UGT8: variants seen among roughly 807,000 people sequenced by gnomAD.
UGT8 encodes UDP glycosyltransferase 8.
In UGT8, 12 loss-of-function variants were observed where a neutral mutation model predicts 40.5. The observed-to-expected ratio is 0.30, with a 90% CI of 0.19 to 0.48. The LOEUF is 0.48. UGT8 is among the 20% of genes least tolerant of loss of function. The probability of loss-of-function intolerance (pLI) is 0.99; values close to 1 mark genes in which losing one functional copy is unlikely to be tolerated. For synonymous variants in UGT8, 224 were observed against 240.4 expected (o/e 0.93, Z 0.63); for missense variants, 513 against 648.7 (o/e 0.79, Z 2.27).
intron 1 of UGT8, among the ~76,000 whole-genome samples, chr4:114,622,209 G>T (rs1397187188): frequency 6.7e-6 from 1 of 150,098 alleles, no homozygotes; most frequent in Non-Finnish European, 1.5e-5. Flanking sequence ...GCGGTGTTTG[G>T]TTTTTTGTTC....
At chr4:114,650,603 A>C (rs990250285) in intron 2 of UGT8, among the ~76,000 whole-genome samples, 1 of 152,164 alleles carries the variant, frequency 6.6e-6, no homozygotes, top group East Asian at 1.9e-4. Flanking sequence ...GTCCAATATC[A>C]TGACTACGAT....
intron 2 of UGT8, among the ~76,000 whole-genome samples, chr4:114,635,983 A>G (rs1344284617): frequency 6.6e-6 from 1 of 152,214 alleles, no homozygotes; most frequent in Non-Finnish European, 1.5e-5. Flanking sequence ...TTTTCAGAAC[A>G]TATGGGATTC....
At chr4:114,660,921 A>G (rs1172425655) in intron 2 of UGT8, among the ~76,000 whole-genome samples, 1 of 151,954 alleles carries the variant, frequency 6.6e-6, no homozygotes, top group Non-Finnish European at 1.5e-5. Flanking sequence ...TTATAATTCA[A>G]TTTAACTTTT....
At chr4:114,671,519 C>T (rs1735276745) in intron 5 of UGT8, among the ~76,000 whole-genome samples, 1 of 152,146 alleles carries the variant, frequency 6.6e-6, no homozygotes, top group Non-Finnish European at 1.5e-5. Flanking sequence ...AGAAATTACA[C>T]CACACATCTA....
chr4:114,600,074 G>A (rs1440383771), intron 1 of UGT8, among the ~76,000 whole-genome samples: 15 of 152,136 alleles, frequency 9.9e-5, no homozygotes. Context: ...AGAGAGTTCT[G>A]AGAACTAACG....
rs1312231071 is a variant in UGT8 at position 114,677,354 on chromosome 4, C to CT, written c.*1070dup. 4.6e-5 allele frequency: 7 copies of CT among 152,106 alleles called. No individual in the cohort carries two copies. Among genetic ancestry groups the CT allele is most frequent in the Non-Finnish European group, 1.0e-4 (7 of 68,018 alleles). 9.4% of individuals were successfully genotyped at this position (152,106 alleles called of 1,614,324 possible). On this transcript the variant is annotated 3_prime_UTR_variant, in exon 6 of 6. Coordinates refer to ENST00000310836, the MANE Select transcript of UGT8 (RefSeq NM_001128174.3). ...ATTACATAGGTGCCAACATTTAATT[C>CT]TTTTAAATGGAACATTTGCAGTTTT...
At chr4:114,640,276 C>T (rs964101727) in intron 2 of UGT8, among the ~76,000 whole-genome samples, 38 of 151,520 alleles carry the variant, frequency 2.5e-4, no homozygotes, top group Non-Finnish European at 3.8e-4. Context: ...GTGATCCGCC[C>T]GCCTCGGCCT....
intron 1 of UGT8, among the ~76,000 whole-genome samples, chr4:114,603,410 T>G (rs1224072277): frequency 6.6e-6 from 1 of 152,014 alleles, no homozygotes; most frequent in Non-Finnish European, 1.5e-5. Context: ...AGTTGATAGG[T>G]TTTCCAGGGC....
intron 2 of UGT8, among the ~76,000 whole-genome samples, chr4:114,626,017 G>GATGTGTGCATATA (rs945812461): frequency 3.3e-5 from 5 of 152,154 alleles, no homozygotes; most frequent in Non-Finnish European, 5.9e-5. Context: ...GTTATATATA[G>GATGTGTGCATATA]TATGTGGACA....
At position 114,676,409 on chromosome 4, in the gene UGT8, A is replaced by G; in HGVS notation, c.*121A>G. On this transcript the variant is annotated 3_prime_UTR_variant, in exon 6 of 6. Coordinates refer to ENST00000310836, the MANE Select transcript of UGT8 (RefSeq NM_001128174.3). Reference sequence around the variant, plus strand: ...AACAATTCTAACATGCCCTTATGAGATCTACTAATGAAATTCTGTGGAATT... The same window carrying G: ...AACAATTCTAACATGCCCTTATGAGGTCTACTAATGAAATTCTGTGGAATT... 1 of 809,910 alleles carries G rather than the reference A, an allele frequency of 1.2e-6. No homozygotes were observed. The highest frequency in any genetic ancestry group is 2.1e-5 in the South Asian group (1 of 46,542). 50.2% of individuals were successfully genotyped at this position (809,910 alleles called of 1,614,324 possible).
At position 114,676,746 on chromosome 4, in the gene UGT8, G is replaced by A. The variant is rs975443169; in HGVS notation, c.*458G>A. The A allele has an allele frequency of 6.6e-6, 1 of 151,706 alleles. No homozygotes were observed. Among genetic ancestry groups the A allele is most frequent in the African/African-American group, 2.4e-5 (1 of 40,996 alleles). 9.4% of individuals were successfully genotyped at this position (151,706 alleles called of 1,614,324 possible). ...TTTGTTGAGGGTACAACACACTCAA[G>A]AATAAAGTAAAAGGATAGTCAGGAT... On this transcript the variant is annotated 3_prime_UTR_variant, in exon 6 of 6. Transcript: ENST00000310836.
At chr4:114,665,537 G>A in intron 3 of UGT8, 143 bp from the exon 4 acceptor site, 3 of 1,293,988 alleles carry the variant, frequency 2.3e-6, no homozygotes, top group Admixed American at 3.6e-5. Context: ...AATATTTGCT[G>A]TTACCAAAGC....
rs541540042 is a variant in UGT8 at position 114,615,363 on chromosome 4, T to A, written c.-2-7516T>A. ...GCTGCTGTTTATTGATACTTGTATG[T>A]TAAGTCAAAGCAATAGGGTGACCAG... On this transcript the variant is annotated intron_variant, in intron 1 of 5. Coordinates refer to ENST00000310836, the MANE Select transcript of UGT8 (RefSeq NM_001128174.3). Among the ~76,000 whole-genome samples the A allele has an allele frequency of 3.3e-5, 5 of 152,290 alleles. No homozygotes were observed. In the South Asian group the frequency reaches 1.0e-3, roughly 32 times the overall value.
At chr4:114,633,122 A>T (rs28703241) in intron 2 of UGT8, among the ~76,000 whole-genome samples, 5,004 of 152,264 alleles carry the variant, frequency 0.033, 258 homozygotes, top group African/African-American at 0.11. Flanking sequence ...GGCCACACTT[A>T]AAAAGGATAG....
intron 3 of UGT8, 41 bp from the exon 4 acceptor site, chr4:114,665,639 G>T: frequency 1.3e-6 from 2 of 1,538,710 alleles, no homozygotes; most frequent in African/African-American, 2.8e-5. Flanking sequence ...TATGAGTAAG[G>T]TTTGATTTTT....
chr4:114,675,898 A>AT lies in UGT8; in HGVS notation c.1263-25dup, dbSNP rs1553937367. ...ATAGAACTTTATTATAAGCATCATC[A>AT]TTCTGTGTTTTGTCCCCTCTCCATA... is the stretch of plus-strand genomic sequence containing the variant. On this transcript the variant is annotated intron_variant, in intron 5 of 5. Transcript: ENST00000310836. The AT allele has an allele frequency of 3.2e-6, 5 of 1,575,578 alleles. No individual in the cohort carries two copies. In the African/African-American group the frequency reaches 6.9e-5, roughly 22 times the overall value.
chr4:114,660,726 A>G (rs1158332196), intron 2 of UGT8, among the ~76,000 whole-genome samples: 1 of 151,858 alleles, frequency 6.6e-6, no homozygotes, highest in African/African-American at 2.4e-5. Flanking sequence ...CCCCATCTCT[A>G]GTAAAAATAC....
At chr4:114,650,611 G>A (rs946316904) in intron 2 of UGT8, among the ~76,000 whole-genome samples, 1 of 151,988 alleles carries the variant, frequency 6.6e-6, no homozygotes, top group Non-Finnish European at 1.5e-5. Flanking sequence ...TCATGACTAC[G>A]ATTTCCCATT....
At chr4:114,662,605 G>A (rs1734611078) in intron 2 of UGT8, among the ~76,000 whole-genome samples, 1 of 152,068 alleles carries the variant, frequency 6.6e-6, no homozygotes, top group African/African-American at 2.4e-5. Context: ...TCTGTCATCA[G>A]TCTCGGTCAT....
Sources: allele counts gnomAD v4.1 joint callset (sites outside exome capture counted in the v4.1 genomes callset), GRCh38; gene constraint gnomAD v4.1.1; transcripts MANE v1.5; gene names NCBI Gene and HGNC (gene_info 2026-07-23, HGNC 2026-07-21).